The following CDH20 variants were observed in gnomAD, a reference collection of about 807,000 sequenced individuals.
The protein encoded by CDH20 is cadherin-20.
In CDH20, 29 loss-of-function variants were observed where a neutral mutation model predicts 74.2. The observed-to-expected ratio is 0.39, with a 90% CI of 0.29 to 0.53. CDH20 has a LOEUF of 0.53. CDH20 is among the 20% of genes least tolerant of loss of function. The pLI is 0.69. For missense variants in CDH20, 988 were observed against 1,048.3 expected, an observed-to-expected ratio of 0.94 and a Z score of 0.79; for synonymous variants, 469 against 405.4, an observed-to-expected ratio of 1.16 and a Z score of -1.88.
At chr18:61,521,648 G>A (rs1447581831) in intron 6 of CDH20, among the ~76,000 whole-genome samples, 1 of 151,304 alleles carries the variant, frequency 6.6e-6, no homozygotes, top group African/African-American at 2.5e-5. Context: ...CAATATCCCT[G>A]ATGAACATCG....
intron 1 of CDH20, among the ~76,000 whole-genome samples, chr18:61,463,618 G>C (rs1370550309): frequency 6.6e-6 from 1 of 152,132 alleles, no homozygotes; most frequent in African/African-American, 2.4e-5. Context: ...CGTTGGGGGA[G>C]AAAGAGGAGA....
intron 9 of CDH20, among the ~76,000 whole-genome samples, 167 bp from the exon 10 acceptor site, chr18:61,544,860 A>G (rs896645672): frequency 6.6e-6 from 1 of 152,044 alleles, no homozygotes; most frequent in African/African-American, 2.4e-5. Flanking sequence ...CTCACCAGGA[A>G]CCCTGCCCTT....
At chr18:61,526,580 T>C (rs764883141) in intron 6 of CDH20, among the ~76,000 whole-genome samples, 2 of 152,232 alleles carry the variant, frequency 1.3e-5, no homozygotes, top group Non-Finnish European at 2.9e-5. Context: ...CGAGATGTTC[T>C]GAAATACTTG....
intron 1 of CDH20, among the ~76,000 whole-genome samples, chr18:61,472,939 C>T (rs1016619973): frequency 2.0e-5 from 3 of 152,164 alleles, no homozygotes; most frequent in Admixed American, 6.6e-5. Context: ...TAGATTAGGA[C>T]GGGTTGTGTA....
intron 1 of CDH20, among the ~76,000 whole-genome samples, chr18:61,479,406 T>C (rs1304009200): frequency 6.6e-6 from 1 of 152,202 alleles, no homozygotes; most frequent in African/African-American, 2.4e-5. Flanking sequence ...GCAGTTGGTG[T>C]TCCAGTGGGG....
At chr18:61,456,933 A>T (rs1367910996) in intron 1 of CDH20, among the ~76,000 whole-genome samples, 1 of 152,104 alleles carries the variant, frequency 6.6e-6, no homozygotes, top group Non-Finnish European at 1.5e-5. Flanking sequence ...CACTAATCTC[A>T]TTTCTTAAGG....
At chr18:61,469,701 T>C (rs549292409) in intron 1 of CDH20, among the ~76,000 whole-genome samples, 1 of 152,334 alleles carries the variant, frequency 6.6e-6, no homozygotes, top group Admixed American at 6.5e-5. Flanking sequence ...CGTATGTATG[T>C]AAAGAGAAAA....
At chr18:61,527,732 A>C (rs1180583934) in intron 6 of CDH20, among the ~76,000 whole-genome samples, 1 of 152,188 alleles carries the variant, frequency 6.6e-6, no homozygotes, top group East Asian at 1.9e-4. Flanking sequence ...TTCCTTAACT[A>C]TCTCTGCAGT....
intron 1 of CDH20, among the ~76,000 whole-genome samples, chr18:61,378,543 T>G (rs1001840923): frequency 6.6e-5 from 10 of 152,292 alleles, no homozygotes; most frequent in African/African-American, 2.2e-4. Flanking sequence ...TTTAATCTCA[T>G]CCAGAAACAT....
At chr18:61,444,453 T>C (rs573667069) in intron 1 of CDH20, among the ~76,000 whole-genome samples, 13 of 152,336 alleles carry the variant, frequency 8.5e-5, no homozygotes, top group Admixed American at 2.0e-4. Context: ...GTATGGGATA[T>C]GCTTGAAGGC....
intron 6 of CDH20, among the ~76,000 whole-genome samples, chr18:61,523,186 G>A (rs1387819577): frequency 6.8e-6 from 1 of 146,662 alleles, no homozygotes; most frequent in Non-Finnish European, 1.5e-5. Context: ...CTAATATCCA[G>A]AATCTACAAG....
chr18:61,471,580 C>A (rs1910177861), intron 1 of CDH20, among the ~76,000 whole-genome samples: 1 of 152,118 alleles, frequency 6.6e-6, no homozygotes, highest in African/African-American at 2.4e-5. Flanking sequence ...ATGGATGAAT[C>A]ATTAGAGAAT....
At chr18:61,464,095 T>A (rs1033746750) in intron 1 of CDH20, among the ~76,000 whole-genome samples, 2 of 152,196 alleles carry the variant, frequency 1.3e-5, no homozygotes, top group Non-Finnish European at 1.5e-5. Context: ...TTTATGTGAT[T>A]CGCTTGCTAT....
At chr18:61,520,122 C>T (rs948970236) in intron 6 of CDH20, among the ~76,000 whole-genome samples, 1 of 150,518 alleles carries the variant, frequency 6.6e-6, no homozygotes, top group Non-Finnish European at 1.5e-5. Context: ...CAAGACCATC[C>T]TGGCTAACAC....
At chr18:61,518,738 C>T (rs1912091584) in intron 6 of CDH20, among the ~76,000 whole-genome samples, 1 of 151,186 alleles carries the variant, frequency 6.6e-6, no homozygotes, top group African/African-American at 2.5e-5. Context: ...AACTCCTCAC[C>T]AGCAATGGAA....
intron 7 of CDH20, among the ~76,000 whole-genome samples, chr18:61,534,985 A>C (rs1316235514): frequency 6.6e-6 from 1 of 152,192 alleles, no homozygotes; most frequent in Non-Finnish European, 1.5e-5. Flanking sequence ...ACCACATTGT[A>C]CGCCATAAAT....
intron 6 of CDH20, among the ~76,000 whole-genome samples, chr18:61,525,641 T>G (rs1356680125): frequency 6.6e-6 from 1 of 152,036 alleles, no homozygotes; most frequent in East Asian, 1.9e-4. Flanking sequence ...TGGCGACTCA[T>G]GAAACGGGAA....
intron 9 of CDH20, 94 bp downstream of exon 9, chr18:61,539,239 T>C: frequency 7.7e-7 from 1 of 1,304,110 alleles, no homozygotes; most frequent in Non-Finnish European, 1.1e-6. Flanking sequence ...CCATTTTGAC[T>C]CCAGAAACGA....
chr18:61,545,153 G>A lies in CDH20; in HGVS notation c.1648+9G>A, dbSNP rs1451673451. ...CATAAGGGACAACCAAGGTAATCAG[G>A]TGGATGGTTGGCTATCTGTGCTTTT... On this transcript the variant is annotated intron_variant, in intron 10 of 11. Coordinates refer to ENST00000262717, the MANE Select transcript of CDH20 (RefSeq NM_031891.4). 1 of 1,555,434 alleles carries A rather than the reference G, an allele frequency of 6.4e-7. No individual in the cohort carries two copies. Among genetic ancestry groups the A allele is most frequent in the East Asian group, 2.2e-5 (1 of 44,610 alleles).
Sources: allele counts gnomAD v4.1 joint callset (sites outside exome capture counted in the v4.1 genomes callset), GRCh38; gene constraint gnomAD v4.1.1; transcripts MANE v1.5; gene names NCBI Gene and HGNC (gene_info 2026-07-23, HGNC 2026-07-21).